CCDC7: variants seen among roughly 807,000 people sequenced by gnomAD.
CCDC7 encodes the protein coiled-coil domain-containing protein 7.
CCDC7 carries 183 observed loss-of-function variants against 196.9 expected under a neutral mutation model. That is an observed-to-expected ratio of 0.93 (90% CI 0.82 to 1.05). The LOEUF (loss-of-function observed/expected upper bound fraction) is 1.05, where lower values mean the gene tolerates loss of function less well. CCDC7 is among the 50% of genes least tolerant of loss of function. CCDC7 has a pLI of 0.00. For missense variants in CCDC7, 1,540 were observed against 1,482.2 expected (o/e 1.04, Z -0.64); for synonymous variants, 525 against 484.6 (o/e 1.08, Z -1.10).
intron 22 of CCDC7, among the ~76,000 whole-genome samples, chr10:32,687,850 G>T (rs571540905): frequency 1.3e-5 from 2 of 152,114 alleles, no homozygotes; most frequent in East Asian, 1.9e-4. Flanking sequence ...TATAGGTATC[G>T]TCACCATTTT....
At chr10:32,445,704 C>T (rs190157227), upstream of CCDC7, among the ~76,000 whole-genome samples, 3 of 152,258 alleles carry the variant, frequency 2.0e-5, no homozygotes, top group Admixed American at 2.0e-4. Flanking sequence ...ATTCCTAGTC[C>T]ATTTGATTTT....
intron 41 of CCDC7, among the ~76,000 whole-genome samples, chr10:32,855,880 C>T (rs943181202): frequency 6.6e-6 from 1 of 152,172 alleles, no homozygotes; most frequent in African/African-American, 2.4e-5. Flanking sequence ...TAAAGACAAA[C>T]ACATAGTCTG....
intron 20 of CCDC7, among the ~76,000 whole-genome samples, chr10:32,647,954 G>C (rs994989748): frequency 6.6e-6 from 1 of 152,208 alleles, no homozygotes; most frequent in Non-Finnish European, 1.5e-5. Context: ...GATTTTTATA[G>C]TTTGAGGTCT....
At chr10:32,670,072 C>T (rs1368135905) in intron 21 of CCDC7, among the ~76,000 whole-genome samples, 2 of 152,022 alleles carry the variant, frequency 1.3e-5, no homozygotes, top group Admixed American at 6.6e-5. Context: ...TTTCTGGGGT[C>T]GGGACATGTC....
chr10:32,774,189 A>G (rs999943893), intron 28 of CCDC7, among the ~76,000 whole-genome samples: 1 of 152,186 alleles, frequency 6.6e-6, no homozygotes, highest in African/African-American at 2.4e-5. Flanking sequence ...CTTCTTCAGC[A>G]CTATGGGCCA....
At chr10:32,805,727 C>T (rs1328107742) in intron 30 of CCDC7, among the ~76,000 whole-genome samples, 1 of 152,196 alleles carries the variant, frequency 6.6e-6, no homozygotes, top group Non-Finnish European at 1.5e-5. Context: ...AAACCACTGT[C>T]ATCCAGAGGT....
At chr10:32,863,279 CATATG>C (rs1417660287) in intron 41 of CCDC7, among the ~76,000 whole-genome samples, 1 of 152,052 alleles carries the variant, frequency 6.6e-6, no homozygotes, top group Non-Finnish European at 1.5e-5. Context: ...TAATCAAACT[CATATG>C]GTAATGGCAC....
chr10:32,727,558 A>G (rs918775570), intron 26 of CCDC7, among the ~76,000 whole-genome samples: 6 of 152,116 alleles, frequency 3.9e-5, no homozygotes, highest in Middle Eastern at 3.2e-3. Flanking sequence ...AGTAGGGCCC[A>G]TCAACTTCAC....
At chr10:32,832,482 G>A (rs1401299293) in intron 32 of CCDC7, among the ~76,000 whole-genome samples, 2 of 151,228 alleles carry the variant, frequency 1.3e-5, no homozygotes, top group Non-Finnish European at 2.9e-5. Flanking sequence ...CATCTTGGGG[G>A]AAAAAAAACC....
At chr10:32,735,412 A>G (rs1336984376) in intron 28 of CCDC7, among the ~76,000 whole-genome samples, 2 of 152,136 alleles carry the variant, frequency 1.3e-5, no homozygotes, top group African/African-American at 4.8e-5. Context: ...AGTGGCATGT[A>G]GTGGCATCTC....
chr10:32,850,896 C>G (rs1206912067), intron 39 of CCDC7, among the ~76,000 whole-genome samples: 2 of 151,342 alleles, frequency 1.3e-5, no homozygotes, highest in East Asian at 3.9e-4. Context: ...CAGGGAGAAA[C>G]GAAGGCAAAT....
Position 32,788,649 on chromosome 10 carries a change from C to T in CCDC7, c.3013+9565C>T, listed in dbSNP as rs140359412. Among the ~76,000 whole-genome samples, 21 of 152,268 alleles carry T rather than the reference C, an allele frequency of 1.4e-4. No homozygotes were observed. The East Asian group carries it at 3.9e-3, about 28-fold the overall frequency. The stretch of plus-strand genomic sequence containing the variant: ...CTCTAGCTCCACCCTAGTGCCAGGT[C>T]AGCACCAACAAACCCCAGCACCAAT... On this transcript the variant is annotated intron_variant, in intron 29 of 41. Transcript: ENST00000639629.
intron 28 of CCDC7, among the ~76,000 whole-genome samples, chr10:32,769,588 C>T (rs543655777): frequency 1.2e-4 from 19 of 152,120 alleles, no homozygotes; most frequent in Non-Finnish European, 2.4e-4. Flanking sequence ...CCCATCAACC[C>T]GTCATCTACA....
At chr10:32,509,426 A>G (rs1003382378) in intron 9 of CCDC7, among the ~76,000 whole-genome samples, 1 of 151,974 alleles carries the variant, frequency 6.6e-6, no homozygotes, top group Non-Finnish European at 1.5e-5. Context: ...ACTTACCTGT[A>G]TGAGCTGAAA....
intron 24 of CCDC7, among the ~76,000 whole-genome samples, chr10:32,699,304 T>G (rs1314988904): frequency 6.7e-6 from 1 of 149,846 alleles, no homozygotes. Context: ...ACATGTGGTG[T>G]TTGGTTTTTT....
At chr10:32,670,908 T>C (rs2073941315) in intron 21 of CCDC7, among the ~76,000 whole-genome samples, 1 of 152,120 alleles carries the variant, frequency 6.6e-6, no homozygotes, top group Non-Finnish European at 1.5e-5. Context: ...CATTAGGTTG[T>C]TTATTTGGGA....
At chr10:32,835,487 G>C (rs2092529925) in intron 33 of CCDC7, among the ~76,000 whole-genome samples, 1 of 152,078 alleles carries the variant, frequency 6.6e-6, no homozygotes, top group African/African-American at 2.4e-5. Context: ...ATACACCATA[G>C]AATACAATGC....
intron 13 of CCDC7, among the ~76,000 whole-genome samples, chr10:32,545,952 C>T (rs535787662): frequency 1.2e-4 from 18 of 148,354 alleles, no homozygotes; most frequent in African/African-American, 4.0e-4. Context: ...GAAAAAATGA[C>T]GCATGTTGGT....
At chr10:32,850,167 T>C (rs944876095) in intron 39 of CCDC7, among the ~76,000 whole-genome samples, 1 of 152,178 alleles carries the variant, frequency 6.6e-6, no homozygotes, top group African/African-American at 2.4e-5. Context: ...AAGTCTGTCC[T>C]TTTTCCTCCA....
Sources: allele counts gnomAD v4.1 joint callset (sites outside exome capture counted in the v4.1 genomes callset), GRCh38; gene constraint gnomAD v4.1.1; transcripts MANE v1.5; gene names NCBI Gene and HGNC (gene_info 2026-07-23, HGNC 2026-07-21).